ZBTB20: variants seen among roughly 807,000 people sequenced by gnomAD.
ZBTB20 encodes the protein zinc finger and BTB domain containing 20.
A neutral mutation model predicts 56.9 loss-of-function variants in ZBTB20; 9 were observed. The observed-to-expected ratio is 0.16, with a 90% CI of 0.10 to 0.28. The LOEUF (loss-of-function observed/expected upper bound fraction) is 0.28, where lower values mean the gene tolerates loss of function less well. Among genes scored for constraint, ZBTB20 ranks in the 10% least tolerant of loss-of-function variants. The pLI, the probability that ZBTB20 is intolerant of heterozygous loss-of-function variation, is 1.00. For synonymous variants in ZBTB20, 417 were observed against 420.7 expected (o/e 0.99, Z 0.11); for missense variants, 655 against 1,003.0 (o/e 0.65, Z 4.69).
At chr3:114,586,424 C>A (rs1159376049) in intron 6 of ZBTB20, among the ~76,000 whole-genome samples, 1 of 152,162 alleles carries the variant, frequency 6.6e-6, no homozygotes, top group Non-Finnish European at 1.5e-5. Context: ...CTTCAAGCCA[C>A]ATAAACTCAC....
chr3:114,504,134 G>C (rs1170794918), intron 6 of ZBTB20, among the ~76,000 whole-genome samples: 1 of 152,116 alleles, frequency 6.6e-6, no homozygotes, highest in Non-Finnish European at 1.5e-5. Context: ...GTATAAAAAA[G>C]AGTTCTAAGT....
At chr3:114,409,428 T>A (rs555380497) in intron 7 of ZBTB20, among the ~76,000 whole-genome samples, 119 of 152,062 alleles carry the variant, frequency 7.8e-4, no homozygotes, top group African/African-American at 2.7e-3. Context: ...ACTGTACAGG[T>A]CCATTTTAAT....
chr3:115,013,782 C>T (rs2079823376), intron 2 of ZBTB20, among the ~76,000 whole-genome samples: 1 of 151,440 alleles, frequency 6.6e-6, no homozygotes, highest in South Asian at 2.1e-4. Context: ...CTGGCAAGGA[C>T]ATGGAGAAAA....
chr3:114,387,709 T>A (rs1009111584), intron 8 of ZBTB20: 3 of 152,226 alleles, frequency 2.0e-5, no homozygotes, highest in Non-Finnish European at 2.9e-5. Context: ...CAGAAAACTA[T>A]CCAGATGTGG....
intron 5 of ZBTB20, among the ~76,000 whole-genome samples, chr3:114,717,211 CTAAA>C (rs1443065005): frequency 6.6e-6 from 1 of 152,086 alleles, no homozygotes; most frequent in East Asian, 1.9e-4. Context: ...TGTGTGTTTT[CTAAA>C]TAATAAAATT....
At chr3:114,906,123 C>T (rs2075308467) in intron 3 of ZBTB20, among the ~76,000 whole-genome samples, 1 of 151,740 alleles carries the variant, frequency 6.6e-6, no homozygotes, top group African/African-American at 2.4e-5. Context: ...ACTCTATACC[C>T]AGGGTCTAGT....
In ZBTB20 at chr3:114,958,573, C is replaced by A. The variant is rs972687053; in HGVS notation, c.-456+15793G>T. 2.0e-5 allele frequency among the ~76,000 whole-genome samples: 3 copies of A among 152,168 alleles called. No individual in the cohort carries two copies. The East Asian group carries it at 5.8e-4, about 29-fold the overall frequency. On this transcript the variant is annotated intron_variant, in intron 3 of 11. Coordinates refer to ENST00000675478, the MANE Select transcript of ZBTB20 (RefSeq NM_001348800.3). The stretch of plus-strand genomic sequence containing the variant: ...GAAATAATAGGCATTTTGGGCTGGG[C>A]GCAGTGGCTGATGTCTGTAATCCCA...
At chr3:114,829,285 G>T (rs988910230) in intron 4 of ZBTB20, among the ~76,000 whole-genome samples, 4 of 151,732 alleles carry the variant, frequency 2.6e-5, no homozygotes, top group African/African-American at 9.7e-5. Flanking sequence ...GAAAATAAAG[G>T]GAATCAATGA....
intron 7 of ZBTB20, among the ~76,000 whole-genome samples, chr3:114,415,746 GC>G (rs1158617220): frequency 6.6e-6 from 1 of 152,030 alleles, no homozygotes; most frequent in Non-Finnish European, 1.5e-5. Context: ...TGATACTAAT[GC>G]ATCTGAACTC....
At chr3:114,969,221 G>A (rs1406795384) in intron 3 of ZBTB20, among the ~76,000 whole-genome samples, 1 of 152,016 alleles carries the variant, frequency 6.6e-6, no homozygotes, top group Non-Finnish European at 1.5e-5. Flanking sequence ...ATAAATATTC[G>A]CTAGAAAATG....
intron 6 of ZBTB20, among the ~76,000 whole-genome samples, chr3:114,505,145 G>A (rs2044451165): frequency 6.6e-6 from 1 of 152,130 alleles, no homozygotes; most frequent in African/African-American, 2.4e-5. Flanking sequence ...TGCCAGCTGA[G>A]GTATCTGGCT....
intron 6 of ZBTB20, among the ~76,000 whole-genome samples, chr3:114,569,602 C>T (rs1326011503): frequency 3.3e-5 from 5 of 152,204 alleles, no homozygotes; most frequent in African/African-American, 4.8e-5. Context: ...GGCGGTCATT[C>T]CACACTGAGC....
chr3:114,799,385 A>G (rs1383969634), intron 5 of ZBTB20, among the ~76,000 whole-genome samples: 1 of 151,926 alleles, frequency 6.6e-6, no homozygotes, highest in African/African-American at 2.4e-5. Flanking sequence ...TGTAAAGTCA[A>G]TGAGGTAAGG....
intron 2 of ZBTB20, among the ~76,000 whole-genome samples, chr3:115,058,979 T>A (rs919368749): frequency 6.6e-6 from 1 of 152,202 alleles, no homozygotes; most frequent in African/African-American, 2.4e-5. Flanking sequence ...CATACCAATG[T>A]AGTAAATTTT....
At chr3:114,539,323 A>T (rs2048839627) in intron 6 of ZBTB20, among the ~76,000 whole-genome samples, 1 of 152,138 alleles carries the variant, frequency 6.6e-6, no homozygotes, top group South Asian at 2.1e-4. Flanking sequence ...TGGTGAAATA[A>T]GTTTAGTTCT....
chr3:114,617,228 C>T (rs1031635944), intron 6 of ZBTB20, among the ~76,000 whole-genome samples: 5 of 152,168 alleles, frequency 3.3e-5, no homozygotes, highest in Admixed American at 1.3e-4. Context: ...CATGATTGTT[C>T]CCTGCCTGCA....
chr3:114,489,717 A>G (rs1180663910), intron 7 of ZBTB20, among the ~76,000 whole-genome samples: 2 of 152,160 alleles, frequency 1.3e-5, no homozygotes, highest in Non-Finnish European at 2.9e-5. Context: ...TTATAGAATC[A>G]TAAAAAAAGT....
intron 2 of ZBTB20, among the ~76,000 whole-genome samples, chr3:115,000,322 T>A (rs1056979038): frequency 4.0e-5 from 6 of 151,818 alleles, no homozygotes; most frequent in African/African-American, 1.4e-4. Flanking sequence ...TTTAAATTAT[T>A]TGTAAATTAG....
At chr3:114,405,267 C>A (rs946205936) in intron 7 of ZBTB20, among the ~76,000 whole-genome samples, 1 of 152,060 alleles carries the variant, frequency 6.6e-6, no homozygotes, top group African/African-American at 2.4e-5. Context: ...TAGCAACATA[C>A]AGTGTCATAA....
Sources: gnomAD v4.1 joint callset for allele counts (sites outside exome capture counted in the v4.1 genomes callset) on GRCh38, gnomAD v4.1.1 for gene constraint, MANE v1.5 for transcripts, NCBI Gene and HGNC (gene_info 2026-07-23, HGNC 2026-07-21) for gene names.